VAMP7: variants seen among roughly 807,000 people sequenced by gnomAD.
The protein encoded by VAMP7 is vesicle-associated membrane protein 7.
In VAMP7, 14 loss-of-function variants were observed where a neutral mutation model predicts 29.6. That is an observed-to-expected ratio of 0.47 (90% CI 0.31 to 0.74). VAMP7 has a LOEUF of 0.74. Among genes scored for constraint, VAMP7 ranks in the 30% least tolerant of loss-of-function variants. The probability of loss-of-function intolerance (pLI) is 0.05; values close to 1 mark genes in which losing one functional copy is unlikely to be tolerated. For synonymous variants in VAMP7, 95 were observed against 88.1 expected (o/e 1.08, Z -0.44); for missense variants, 223 against 262.4 (o/e 0.85, Z 1.04).
In VAMP7 at chrX:155,935,997, G is replaced by A. The variant is rs139931128; in HGVS notation, c.502-3704G>A. On this transcript the variant is annotated intron_variant, in intron 6 of 7. Transcript: ENST00000286448. ...CCCTGTTTGCCTGGGTATCAGCAGC[G>A]GAGGCTGCAGAACAGTGAATATTGC... Among the ~76,000 whole-genome samples, 418 of 152,206 alleles carry A rather than the reference G, an allele frequency of 2.7e-3. 2 individuals carry two copies. Among genetic ancestry groups the A allele is most frequent in the African/African-American group, 9.5e-3 (396 of 41,548 alleles).
rs763942778 is a variant in VAMP7 at position 155,942,122 on chromosome X, A to G, written c.*171A>G. On this transcript the variant is annotated 3_prime_UTR_variant, in exon 8 of 8. Transcript: ENST00000286448. The stretch of plus-strand genomic sequence containing the variant: ...CTCCAGGTTTATCTTTGTCTTATCT[A>G]CCAGTTTATTCCTGTGAACTTCAGA... 5 of 1,552,158 alleles carry G rather than the reference A, an allele frequency of 3.2e-6. No homozygotes were observed. In the South Asian group the frequency reaches 5.9e-5, roughly 18 times the overall value.
intron 5 of VAMP7, among the ~76,000 whole-genome samples, chrX:155,913,208 CTT>C (rs1462543258): frequency 1.3e-5 from 2 of 152,072 alleles, no homozygotes; most frequent in Non-Finnish European, 2.9e-5. Flanking sequence ...CCTTCACACA[CTT>C]TTTGATGGGG....
intron 3 of VAMP7, among the ~76,000 whole-genome samples, chrX:155,897,687 G>A (rs1021239906): frequency 9.9e-5 from 15 of 152,004 alleles, no homozygotes; most frequent in Non-Finnish European, 2.1e-4. Flanking sequence ...GAAAAAATTC[G>A]ATTTGAAGTT....
chrX:155,941,423 A>T (rs2066741933), intron 7 of VAMP7, among the ~76,000 whole-genome samples: 1 of 152,110 alleles, frequency 6.6e-6, no homozygotes, highest in Non-Finnish European at 1.5e-5. Context: ...CTCATAAGTG[A>T]TATAGATGAA....
At chrX:155,924,002 A>T (rs1352767788) in intron 6 of VAMP7, among the ~76,000 whole-genome samples, 1 of 152,130 alleles carries the variant, frequency 6.6e-6, no homozygotes, top group Non-Finnish European at 1.5e-5. Context: ...TACCTTGAGT[A>T]TATGAAGTAT....
In VAMP7 at chrX:155,904,025, A is replaced by G. The variant is rs781555084; in HGVS notation, c.433+3438A>G. Among the ~76,000 whole-genome samples the G allele has an allele frequency of 3.9e-5, 6 of 152,162 alleles. No individual in the cohort carries two copies. The East Asian group carries it at 9.6e-4, about 24-fold the overall frequency. Reference sequence around the variant, plus strand: ...ATACACCATGGAATACTATGCAGCCATAAAAAATGATGAGTTCATGTCCTT... The same window carrying G: ...ATACACCATGGAATACTATGCAGCCGTAAAAAATGATGAGTTCATGTCCTT... On this transcript the variant is annotated intron_variant, in intron 5 of 7. Transcript: ENST00000286448.
At chrX:155,934,885 A>G (rs973969858) in intron 6 of VAMP7, among the ~76,000 whole-genome samples, 29 of 150,076 alleles carry the variant, frequency 1.9e-4, no homozygotes, top group Non-Finnish European at 4.0e-4. Context: ...AGCTCTTGTA[A>G]GGCAGGCCTG....
At chrX:155,908,965 A>T (rs1257609526) in intron 5 of VAMP7, among the ~76,000 whole-genome samples, 1 of 151,910 alleles carries the variant, frequency 6.6e-6, no homozygotes, top group Non-Finnish European at 1.5e-5. Context: ...GACTGCAGGC[A>T]TGTGCCACCA....
At chrX:155,936,562 G>T (rs1244559416) in intron 6 of VAMP7, among the ~76,000 whole-genome samples, 2 of 152,226 alleles carry the variant, frequency 1.3e-5, no homozygotes, top group African/African-American at 2.4e-5. Flanking sequence ...GCAGTATTAG[G>T]GTGGGAGTGA....
intron 6 of VAMP7, among the ~76,000 whole-genome samples, chrX:155,938,399 T>G (rs1182154174): frequency 6.6e-6 from 1 of 152,070 alleles, no homozygotes; most frequent in Non-Finnish European, 1.5e-5. Flanking sequence ...CTTTGTGGAG[T>G]ATGTGGTTGG....
At chrX:155,898,387 GA>G (rs1273547091) in intron 4 of VAMP7, 138 bp downstream of exon 4, 6 of 1,149,238 alleles carry the variant, frequency 5.2e-6, no homozygotes, top group Non-Finnish European at 7.1e-6. Context: ...AAACTTCCCT[GA>G]TTAAAAAAAA....
intron 5 of VAMP7, among the ~76,000 whole-genome samples, chrX:155,904,026 T>TA (rs2066109667): frequency 2.0e-5 from 3 of 151,790 alleles, no homozygotes; most frequent in South Asian, 4.2e-4. Flanking sequence ...TATGCAGCCA[T>TA]AAAAAATGAT....
chrX:155,902,230 CTT>C, intron 5 of VAMP7, among the ~76,000 whole-genome samples: 1 of 152,062 alleles, frequency 6.6e-6, no homozygotes, highest in South Asian at 2.1e-4. Context: ...TATCCTGAGA[CTT>C]TGCTGAAGTT....
chrX:155,930,124 A>T (rs2077623704), intron 6 of VAMP7, among the ~76,000 whole-genome samples: 1 of 152,174 alleles, frequency 6.6e-6, no homozygotes, highest in African/African-American at 2.4e-5. Flanking sequence ...TGTGCAGAGC[A>T]TTGCCTAACA....
At position 155,889,603 on chromosome X, in the gene VAMP7, C is replaced by G; in HGVS notation, c.137C>G (p.Ser46Ter). 1 of 1,613,754 alleles carries G rather than the reference C, an allele frequency of 6.2e-7. No individual in the cohort carries two copies. The highest frequency in any genetic ancestry group is 2.2e-5 in the East Asian group (1 of 44,868). ...IPSENNKLTY[S>*]HGNYLFHYIC... ...TCTGAAAATAACAAACTAACGTACT[C>G]ACATGGCAAGTGAGTTCTGTTCTGC... Residue 46 changes from serine (S) to a stop codon, truncating the protein, a stop_gained, in exon 2 of 8, where the codon TCA (serine) becomes TGA (stop). Coordinates refer to ENST00000286448, the MANE Select transcript of VAMP7 (RefSeq NM_005638.6). LOFTEE classifies it high-confidence loss of function.
intron 5 of VAMP7, among the ~76,000 whole-genome samples, chrX:155,901,286 T>G (rs1314940685): frequency 1.3e-5 from 2 of 152,052 alleles, no homozygotes; most frequent in Non-Finnish European, 2.9e-5. Flanking sequence ...TTCCTTTAAT[T>G]GATTTTAGTT....
At chrX:155,896,073 G>C (rs1211135182) in intron 3 of VAMP7, among the ~76,000 whole-genome samples, 1 of 152,158 alleles carries the variant, frequency 6.6e-6, no homozygotes, top group Non-Finnish European at 1.5e-5. Flanking sequence ...GTGCCAAAAA[G>C]GTTGGGGACT....
intron 5 of VAMP7, among the ~76,000 whole-genome samples, chrX:155,915,220 A>AT (rs1396315917): frequency 4.0e-5 from 6 of 151,866 alleles, no homozygotes; most frequent in Non-Finnish European, 7.4e-5. Flanking sequence ...CCCCTTTATC[A>AT]TTTTTTATTG....
chrX:155,937,864 C>G (rs1427886993), intron 6 of VAMP7, among the ~76,000 whole-genome samples: 1 of 152,108 alleles, frequency 6.6e-6, no homozygotes, highest in African/African-American at 2.4e-5. Context: ...CCTGGATTTG[C>G]TTGATCAGTT....
Sources: allele counts gnomAD v4.1 joint callset (sites outside exome capture counted in the v4.1 genomes callset), GRCh38; gene constraint gnomAD v4.1.1; transcripts MANE v1.5; gene names NCBI Gene and HGNC (gene_info 2026-07-23, HGNC 2026-07-21).